Variants in FAM50B observed in about 807,000 individuals in gnomAD.
FAM50B encodes the protein family with sequence similarity 50 member B, also known as protein FAM50B.
Under a neutral mutation model 25.4 loss-of-function variants are expected in FAM50B, and 9 were observed. The ratio of observed to expected loss-of-function variants is 0.35; its 90% confidence interval spans 0.21 to 0.62. The LOEUF (loss-of-function observed/expected upper bound fraction) is 0.62. Among genes scored for constraint, FAM50B ranks in the 20% least tolerant of loss-of-function variants. The pLI is 0.73. For synonymous variants in FAM50B, 212 were observed against 204.3 expected, an observed-to-expected ratio of 1.04 and a Z score of -0.32; for missense variants, 372 against 477.9, an observed-to-expected ratio of 0.78 and a Z score of 2.07.
chr6:3,838,307 T>A, the FAM50B span, among the ~76,000 whole-genome samples: 1 of 151,860 alleles, frequency 6.6e-6, no homozygotes, highest in Non-Finnish European at 1.5e-5. Flanking sequence ...CAAGACCCCA[T>A]CTTTTTTAAG....
chr6:3,835,558 A>G, the FAM50B span, among the ~76,000 whole-genome samples: 1 of 152,192 alleles, frequency 6.6e-6, no homozygotes. Flanking sequence ...GCCACAAGAA[A>G]CTGGAGTTTG....
chr6:3,837,286 G>A, the FAM50B span, among the ~76,000 whole-genome samples: 1 of 152,298 alleles, frequency 6.6e-6, no homozygotes, highest in Non-Finnish European at 1.5e-5. Context: ...AAGAAAAAGA[G>A]AAGTTAGATT....
At chr6:3,843,152 A>G in the FAM50B span, among the ~76,000 whole-genome samples, 3 of 152,258 alleles carry the variant, frequency 2.0e-5, no homozygotes, top group Non-Finnish European at 4.4e-5. Flanking sequence ...AGACATTTCA[A>G]TCTATCATAT....
chr6:3,850,151 A>G lies in FAM50B; in HGVS notation c.340A>G (p.Lys114Glu). ...QREQEQRRER[K>E]RKISCLSFAL... ...GGAGCAGGAGCAGCGGCGCGAGCGCAAGCGTAAGATCTCCTGCCTGTCCTT... is the reference window on the plus strand; with the variant it reads ...GGAGCAGGAGCAGCGGCGCGAGCGCGAGCGTAAGATCTCCTGCCTGTCCTT... The change falls in exon 2 of 2, where the codon AAG (lysine) becomes GAG (glutamate). Residue 114 changes from lysine (K) to glutamate (E), a missense_variant. Lys to Glu is a moderately conservative substitution (Grantham distance 56). Around this residue, in one of 4 missense-constraint regions of FAM50B, gnomAD observed 224 missense variants for 232.2 expected, o/e 0.96. Transcript: ENST00000648326. 2.5e-6 allele frequency: 4 copies of G among 1,612,658 alleles called. No homozygotes were observed. The South Asian group carries it at 3.3e-5, about 13-fold the overall frequency.
chr6:3,846,166 T>C (rs1164737696), upstream of FAM50B, among the ~76,000 whole-genome samples: 2 of 152,098 alleles, frequency 1.3e-5, no homozygotes, highest in Non-Finnish European at 2.9e-5. Flanking sequence ...AGGAGAGTAA[T>C]GTTATCAGAT....
upstream of FAM50B, among the ~76,000 whole-genome samples, chr6:3,845,827 G>A (rs181222047): frequency 6.6e-6 from 1 of 152,232 alleles, no homozygotes; most frequent in African/African-American, 2.4e-5. Flanking sequence ...CAATTCTTCT[G>A]CCTCAGCCTC....
Position 3,849,861 on chromosome 6 carries a change from T to A in FAM50B, c.50T>A (p.Leu17His), listed in dbSNP as rs746203866. The A allele has an allele frequency of 5.6e-6, 9 of 1,613,288 alleles. No individual in the cohort carries two copies. The highest frequency in any genetic ancestry group is 7.6e-6 in the Non-Finnish European group (9 of 1,179,896). The change falls in exon 2 of 2, where the codon CTC becomes CAC. Residue 17 changes from leucine to histidine, a missense_variant. Physicochemically the swap from Leu to His is moderately conservative, Grantham distance 99. Coordinates refer to ENST00000648326, the MANE Select transcript of FAM50B (RefSeq NM_012135.3). Reference protein sequence around the residue: ...TMREAGRAMHLLKKRERQREQ... With the variant: ...TMREAGRAMHHLKKRERQREQ... Reference sequence around the variant, plus strand: ...CGCGAGGCAGGCCGTGCCATGCACCTCCTCAAGAAGCGCGAAAGGCAGCGG... The same window carrying A: ...CGCGAGGCAGGCCGTGCCATGCACCACCTCAAGAAGCGCGAAAGGCAGCGG...
At position 3,849,982 on chromosome 6, in the gene FAM50B, G is replaced by A. The variant is rs149687084; in HGVS notation, c.171G>A (p.Glu57=). 4.1e-5 allele frequency: 66 copies of A among 1,613,848 alleles called. No individual in the cohort carries two copies. The highest frequency in any genetic ancestry group is 2.0e-4 in the South Asian group (18 of 91,084). Residue 57 remains glutamate (E), a synonymous_variant, in exon 2 of 2, where the codon GAG becomes GAA. Transcript: ENST00000648326. The part of the protein sequence containing the change: ...KRFSAHYDAV[E]AELKSSTVGL... ...TCTCGGCGCATTACGACGCCGTGGA[G>A]GCCGAGCTGAAGTCCAGCACGGTGG...
chr6:3,835,160 G>A, the FAM50B span, among the ~76,000 whole-genome samples: 2 of 152,160 alleles, frequency 1.3e-5, no homozygotes, highest in South Asian at 2.1e-4. Context: ...AGGGCAGGGT[G>A]GAAGGAAGGA....
At chr6:3,834,855 C>G in the FAM50B span, among the ~76,000 whole-genome samples, 1 of 152,130 alleles carries the variant, frequency 6.6e-6, no homozygotes, top group South Asian at 2.1e-4. Context: ...AAACAACATA[C>G]AGAATGATCC....
chr6:3,835,337 T>G, the FAM50B span, among the ~76,000 whole-genome samples: 1 of 152,240 alleles, frequency 6.6e-6, no homozygotes, highest in African/African-American at 2.4e-5. Context: ...TTTTGCCAGG[T>G]TCTGCCTGTA....
the FAM50B span, among the ~76,000 whole-genome samples, chr6:3,832,914 C>CA: frequency 6.6e-6 from 1 of 151,828 alleles, no homozygotes; most frequent in Non-Finnish European, 1.5e-5. Context: ...GGTTGGAGTA[C>CA]AGTGGTACAC....
chr6:3,834,919 G>T, the FAM50B span, among the ~76,000 whole-genome samples: 1 of 152,140 alleles, frequency 6.6e-6, no homozygotes, highest in African/African-American at 2.4e-5. Context: ...AATGCCAACA[G>T]TTAATAATGG....
At chr6:3,849,222 A>ACCGCCCCTACCAGGAGCC (rs1762163565), upstream of FAM50B, among the ~76,000 whole-genome samples, 1 of 152,098 alleles carries the variant, frequency 6.6e-6, no homozygotes, top group Admixed American at 6.5e-5. Context: ...CCACAGGAGC[A>ACCGCCCCTACCAGGAGCC]CCGCCCCTAC....
Position 3,850,010 on chromosome 6 carries a change from C to A in FAM50B, c.199C>A (p.Leu67Met). The change falls in exon 2 of 2, where the codon CTG becomes ATG. Residue 67 changes from leucine to methionine, a missense_variant. This residue lies in a region of FAM50B where 64 missense variants were observed against 118.3 expected (regional missense o/e 0.54). Coordinates refer to ENST00000648326, the MANE Select transcript of FAM50B (RefSeq NM_012135.3). Reference sequence around the variant, plus strand: ...CGAGCTGAAGTCCAGCACGGTGGGCCTGGTGACCCTGAACGACATGAAGGC... The same window carrying A: ...CGAGCTGAAGTCCAGCACGGTGGGCATGGTGACCCTGAACGACATGAAGGC... ...EAELKSSTVG[L>M]VTLNDMKARQ... The A allele has an allele frequency of 6.2e-7, 1 of 1,613,748 alleles. No individual in the cohort carries two copies. The highest frequency in any genetic ancestry group is 1.1e-5 in the South Asian group (1 of 91,068).
the FAM50B span, among the ~76,000 whole-genome samples, chr6:3,835,342 C>T: frequency 6.6e-6 from 1 of 152,242 alleles, no homozygotes; most frequent in East Asian, 1.9e-4. Context: ...CCAGGTTCTG[C>T]CTGTAAGGCC....
the FAM50B span, among the ~76,000 whole-genome samples, chr6:3,838,113 C>T: frequency 6.6e-6 from 1 of 152,158 alleles, no homozygotes; most frequent in African/African-American, 2.4e-5. Context: ...CAAAGACTTA[C>T]CATATAACCT....
chr6:3,834,359 C>CAAAAAAAAAAAAAAAAAAAAA, the FAM50B span, among the ~76,000 whole-genome samples: 1 of 75,044 alleles, frequency 1.3e-5, no homozygotes, highest in Non-Finnish European at 3.0e-5. Context: ...TGATATATGG[C>CAAAAAAAAAAAAAAAAAAAAA]AAAAAAAAAA....
chr6:3,835,232 T>C, the FAM50B span, among the ~76,000 whole-genome samples: 8 of 152,172 alleles, frequency 5.3e-5, no homozygotes, highest in Non-Finnish European at 8.8e-5. Flanking sequence ...ATGGAGAAAT[T>C]TCACAGGGAG....
Sources: allele counts gnomAD v4.1 joint callset (sites outside exome capture counted in the v4.1 genomes callset), GRCh38; gene constraint gnomAD v4.1.1; regional missense constraint gnomAD v4.1.1; transcripts MANE v1.5; gene names NCBI Gene and HGNC (gene_info 2026-07-23, HGNC 2026-07-21).